GMDS: variants seen among roughly 807,000 people sequenced by gnomAD.
GMDS encodes the protein GDP-mannose 4,6 dehydratase.
A neutral mutation model predicts 49.9 loss-of-function variants in GMDS; 20 were observed. The observed-to-expected ratio is 0.40, with a 90% CI of 0.28 to 0.58. The LOEUF is 0.58. Ranked by LOEUF, GMDS falls within the 20% of genes least tolerant of loss-of-function variation. The pLI, the probability that GMDS is intolerant of heterozygous loss-of-function variation, is 0.42. For missense variants in GMDS, 362 were observed against 481.4 expected, an observed-to-expected ratio of 0.75 and a Z score of 2.32; for synonymous variants, 177 against 178.6, an observed-to-expected ratio of 0.99 and a Z score of 0.07.
intron 7 of GMDS, among the ~76,000 whole-genome samples, chr6:1,752,234 A>G (rs1767764218): frequency 6.6e-6 from 1 of 152,214 alleles, no homozygotes; most frequent in Non-Finnish European, 1.5e-5. Flanking sequence ...AACTTCGTGA[A>G]GCATACACAA....
At chr6:2,120,853 C>G (rs956307710) in intron 2 of GMDS, among the ~76,000 whole-genome samples, 4 of 152,204 alleles carry the variant, frequency 2.6e-5, no homozygotes, top group African/African-American at 9.7e-5. Flanking sequence ...CAGGAATACT[C>G]ATTAATGAAT....
At chr6:2,155,623 T>C (rs1777076482) in intron 1 of GMDS, among the ~76,000 whole-genome samples, 2 of 152,132 alleles carry the variant, frequency 1.3e-5, no homozygotes, top group South Asian at 4.1e-4. Context: ...ATATAATTGT[T>C]TTAAATTTTT....
intron 9 of GMDS, among the ~76,000 whole-genome samples, chr6:1,712,494 T>G (rs564839377): frequency 1.3e-5 from 2 of 152,356 alleles, no homozygotes; most frequent in South Asian, 4.1e-4. Context: ...ATGGTTTACA[T>G]AAACAACAGA....
chr6:2,035,977 G>A (rs1177816422), intron 4 of GMDS, among the ~76,000 whole-genome samples: 1 of 152,050 alleles, frequency 6.6e-6, no homozygotes, highest in Admixed American at 6.6e-5. Context: ...ATGAGCCACC[G>A]CGCCCAGCCA....
chr6:1,624,654 G>A, intron 9 of GMDS, 114 bp from the exon 10 acceptor site: 1 of 714,452 alleles, frequency 1.4e-6, no homozygotes, highest in Non-Finnish European at 2.4e-6. Context: ...CAAGGCTCCG[G>A]GTTTCCCTGC....
chr6:1,877,059 T>C (rs992194274), intron 7 of GMDS, among the ~76,000 whole-genome samples: 1 of 152,142 alleles, frequency 6.6e-6, no homozygotes, highest in African/African-American at 2.4e-5. Context: ...TTTTCCCTCC[T>C]CAGTGTCACC....
intron 9 of GMDS, among the ~76,000 whole-genome samples, chr6:1,724,009 G>A (rs1436890238): frequency 6.6e-6 from 1 of 152,172 alleles, no homozygotes. Context: ...ACAGGAGGCT[G>A]TCAAGTTGAT....
At chr6:1,931,446 T>C (rs1210813715) in intron 6 of GMDS, among the ~76,000 whole-genome samples, 1 of 152,232 alleles carries the variant, frequency 6.6e-6, no homozygotes, top group Non-Finnish European at 1.5e-5. Context: ...ACAATGGGAC[T>C]ACCGTGGAAA....
At chr6:2,162,463 T>C (rs1024820918) in intron 1 of GMDS, among the ~76,000 whole-genome samples, 1 of 152,060 alleles carries the variant, frequency 6.6e-6, no homozygotes, top group Admixed American at 6.6e-5. Context: ...ATTTTTTCCT[T>C]ATACCTCTGG....
chr6:1,701,150 G>A (rs1765530181), intron 9 of GMDS, among the ~76,000 whole-genome samples: 1 of 152,088 alleles, frequency 6.6e-6, no homozygotes, highest in Non-Finnish European at 1.5e-5. Context: ...CTGTCTCTCT[G>A]CCTCTCCCTC....
intron 7 of GMDS, among the ~76,000 whole-genome samples, chr6:1,823,853 T>C (rs886334624): frequency 1.3e-5 from 2 of 152,048 alleles, no homozygotes; most frequent in Non-Finnish European, 2.9e-5. Context: ...AAAATGGTCA[T>C]GGAAAGCTGT....
At chr6:1,899,437 T>C (rs3800122) in intron 7 of GMDS, among the ~76,000 whole-genome samples, 77,156 of 152,044 alleles carry the variant, frequency 0.51, 21,060 homozygotes, top group Non-Finnish European at 0.61. Flanking sequence ...GCAGTTACAA[T>C]GCTTGATATG....
intron 9 of GMDS, among the ~76,000 whole-genome samples, chr6:1,657,007 C>G (rs956275066): frequency 1.3e-5 from 2 of 152,132 alleles, no homozygotes; most frequent in African/African-American, 4.8e-5. Flanking sequence ...CACATCTCAC[C>G]CAAGGCCACT....
intron 7 of GMDS, 65 bp from the exon 8 acceptor site, chr6:1,742,651 T>C: frequency 1.2e-6 from 1 of 845,094 alleles, no homozygotes; most frequent in African/African-American, 1.7e-5. Context: ...TGTTTTCCAG[T>C]GCACATAATC....
intron 9 of GMDS, among the ~76,000 whole-genome samples, chr6:1,645,339 T>C (rs1649): frequency 0.034 from 5,132 of 152,344 alleles, 137 homozygotes; most frequent in Non-Finnish European, 0.047. Flanking sequence ...TCACCCGTGC[T>C]GTGCCTAGCA....
In GMDS at chr6:1,793,723, T is replaced by C. The variant is rs12212327; in HGVS notation, c.772-51137A>G. ...CCTTTTCCTTCATTCTCTGCAATTTTATGGTCACCTGGAATTCTGGGTTTC... is the reference window on the plus strand; with the variant it reads ...CCTTTTCCTTCATTCTCTGCAATTTCATGGTCACCTGGAATTCTGGGTTTC... On this transcript the variant is annotated intron_variant, in intron 7 of 10. Transcript: ENST00000380815. 4.0e-3 allele frequency among the ~76,000 whole-genome samples: 614 copies of C among 152,334 alleles called. 2 individuals carry two copies. Among genetic ancestry groups the C allele is most frequent in the Non-Finnish European group, 4.8e-3 (325 of 68,040 alleles).
At chr6:2,073,070 A>G (rs1452791181) in intron 4 of GMDS, among the ~76,000 whole-genome samples, 1 of 152,234 alleles carries the variant, frequency 6.6e-6, no homozygotes, top group East Asian at 1.9e-4. Flanking sequence ...TGTTTAGGTT[A>G]GACAGTCAGT....
intron 4 of GMDS, among the ~76,000 whole-genome samples, chr6:1,988,522 T>TC (rs1263058062): frequency 1.3e-5 from 2 of 152,142 alleles, no homozygotes; most frequent in Admixed American, 1.3e-4. Context: ...CAATTTGGGC[T>TC]CCCTATCCAG....
chr6:2,007,600 A>G (rs944159690), intron 4 of GMDS, among the ~76,000 whole-genome samples: 2 of 150,478 alleles, frequency 1.3e-5, no homozygotes, highest in African/African-American at 4.9e-5. Context: ...TTTCTTTCCA[A>G]CTTTTATTTT....
Sources: gnomAD v4.1 joint callset for allele counts (sites outside exome capture counted in the v4.1 genomes callset) on GRCh38, gnomAD v4.1.1 for gene constraint, MANE v1.5 for transcripts, NCBI Gene and HGNC (gene_info 2026-07-23, HGNC 2026-07-21) for gene names.